The following AHR variants were observed in gnomAD, a reference collection of about 807,000 sequenced individuals.
AHR encodes aryl hydrocarbon receptor, also known as AH-receptor.
Under a neutral mutation model 86.8 loss-of-function variants are expected in AHR, and 40 were observed. That is an observed-to-expected ratio of 0.46 (90% confidence interval 0.36 to 0.60). AHR has a LOEUF of 0.60. AHR is among the 20% of genes least tolerant of loss of function. The pLI is 0.00. For synonymous variants in AHR, 398 were observed against 354.9 expected, an observed-to-expected ratio of 1.12 and a Z score of -1.37; for missense variants, 1,001 against 1,011.6, an observed-to-expected ratio of 0.99 and a Z score of 0.14.
chr7:17,333,759 G>A (rs1241738854), intron 6 of AHR, among the ~76,000 whole-genome samples, 153 bp from the exon 7 acceptor site: 2 of 151,920 alleles, frequency 1.3e-5, no homozygotes, highest in African/African-American at 4.8e-5. Flanking sequence ...GTCCCATGGA[G>A]AGAGGAGTGA....
chr7:17,334,932 A>G lies in AHR; in HGVS notation c.954A>G (p.Arg318=). ...LGYTEAELCT[R]GSGYQFIHAA... Reference sequence around the variant, plus strand: ...ATACTGAAGCAGAGCTGTGCACGAGAGGCTCAGGTTATCAGTTTATTCATG... The same window carrying G: ...ATACTGAAGCAGAGCTGTGCACGAGGGGCTCAGGTTATCAGTTTATTCATG... The change falls in exon 8 of 11, where the codon AGA becomes AGG. Residue 318 remains arginine (R), a synonymous_variant. Transcript: ENST00000242057. 6.2e-7 allele frequency: 1 copy of G among 1,613,366 alleles called. No individual in the cohort carries two copies. The highest frequency in any genetic ancestry group is 8.5e-7 in the Non-Finnish European group (1 of 1,179,472).
At chr7:17,334,183 G>T (rs1298602623) in intron 7 of AHR, 69 bp downstream of exon 7, 9 of 1,350,290 alleles carry the variant, frequency 6.7e-6, no homozygotes, top group Non-Finnish European at 9.4e-6. Flanking sequence ...CTCTTAGCAT[G>T]TAAAACATAC....
rs1229361892 is a variant in AHR, at chr7:17,346,071, T to C, written c.*3007T>C. 2 of 152,724 alleles carry C rather than the reference T, an allele frequency of 1.3e-5. No individual in the cohort carries two copies. The highest frequency in any genetic ancestry group is 2.9e-5 in the Non-Finnish European group (2 of 68,018). The allele number at this position is 152,724 out of a possible 1,614,324, so 9.5% of individuals were successfully genotyped here. A position where few individuals can be genotyped will look rare whatever the true frequency, so the allele number is the denominator to read the frequency against. ...GCTTACATATATCATGCATAGATTT[T>C]TGCTTAAAGTATGATTTATAATATC... On this transcript the variant is annotated 3_prime_UTR_variant, in exon 11 of 11. Transcript: ENST00000242057.
intron 4 of AHR, among the ~76,000 whole-genome samples, chr7:17,329,582 A>G (rs190349893): frequency 1.5e-4 from 23 of 152,092 alleles, no homozygotes; most frequent in Middle Eastern, 3.4e-3. Context: ...TAGAGAAGTC[A>G]AAGAGGCCTG....
chr7:17,342,634 C>G (rs918165570), intron 10 of AHR, among the ~76,000 whole-genome samples: 3 of 152,088 alleles, frequency 2.0e-5, no homozygotes, highest in African/African-American at 7.2e-5. Flanking sequence ...CAATTCCTAC[C>G]TGACCCAAAG....
intron 10 of AHR, among the ~76,000 whole-genome samples, chr7:17,341,196 T>A (rs1037359081): frequency 1.6e-4 from 25 of 152,306 alleles, no homozygotes; most frequent in African/African-American, 6.0e-4. Context: ...TGAAGCTTTA[T>A]CTTTAATTGT....
chr7:17,304,842 A>T (rs577568390), intron 1 of AHR, among the ~76,000 whole-genome samples: 2 of 151,988 alleles, frequency 1.3e-5, no homozygotes, highest in African/African-American at 2.4e-5. Flanking sequence ...ACCACTTAAA[A>T]TTTTTTTGGT....
chr7:17,306,042 A>G (rs1404319252), intron 1 of AHR, among the ~76,000 whole-genome samples: 2 of 152,164 alleles, frequency 1.3e-5, no homozygotes, highest in South Asian at 2.1e-4. Flanking sequence ...TCAAAAAATA[A>G]TAAGTTACTC....
Position 17,344,181 on chromosome 7 carries a change from TTG to T in AHR, c.*1121_*1122del, listed in dbSNP as rs2115372688. 6.5e-6 allele frequency: 1 copy of T among 152,862 alleles called. No individual in the cohort carries two copies. The highest frequency in any genetic ancestry group is 2.1e-4 in the South Asian group (1 of 4,830). The allele number at this position is 152,862 out of a possible 1,614,324, so 9.5% of individuals were successfully genotyped here. On this transcript the variant is annotated 3_prime_UTR_variant, in exon 11 of 11. Coordinates refer to ENST00000242057, the MANE Select transcript of AHR (RefSeq NM_001621.5). ...TAGACCTATAATCCTTGATAATATA[TTG>T]TGTTGACTTTATAAATTTCGCTTCT...
intron 9 of AHR, 160 bp downstream of exon 9, chr7:17,335,946 T>C (rs1483537521): frequency 7.4e-6 from 5 of 676,502 alleles, no homozygotes; most frequent in East Asian, 3.0e-5. Context: ...ATTGAGAAGA[T>C]AGAATTGACG....
chr7:17,322,670 A>C (rs1016612402), intron 3 of AHR, 63 bp downstream of exon 3: 2 of 1,120,348 alleles, frequency 1.8e-6, no homozygotes, highest in African/African-American at 3.2e-5. Flanking sequence ...ATGAATTAAT[A>C]AGTCTTTTAG....
Position 17,345,548 on chromosome 7 carries a change from A to G in AHR, c.*2484A>G, listed in dbSNP as rs1782474378. On this transcript the variant is annotated 3_prime_UTR_variant, in exon 11 of 11. Transcript: ENST00000242057. ...GTCTAGATTAATACTCTATTTTTACATTTAAACCTTTTATTATAAGTCTTA... is the reference window on the plus strand; with the variant it reads ...GTCTAGATTAATACTCTATTTTTACGTTTAAACCTTTTATTATAAGTCTTA... 6.6e-6 allele frequency: 1 copy of G among 152,646 alleles called. No individual in the cohort carries two copies. The highest frequency in any genetic ancestry group is 1.5e-5 in the Non-Finnish European group (1 of 68,018). 9.5% of individuals were successfully genotyped at this position (152,646 alleles called of 1,614,324 possible).
intron 9 of AHR, 108 bp downstream of exon 9, chr7:17,335,894 A>T: frequency 8.2e-7 from 1 of 1,213,264 alleles, no homozygotes; most frequent in African/African-American, 1.5e-5. Flanking sequence ...ATAAAAATTG[A>T]AAAGTTTAAT....
Position 17,344,511 on chromosome 7 carries a change from C to T in AHR, c.*1447C>T, listed in dbSNP as rs2115372872. ...GACAACCACATAGTTCGTTTACCTTCAAACTTTAGGTTTTTTTAATGATAT... is the reference window on the plus strand; with the variant it reads ...GACAACCACATAGTTCGTTTACCTTTAAACTTTAGGTTTTTTTAATGATAT... On this transcript the variant is annotated 3_prime_UTR_variant, in exon 11 of 11. Transcript: ENST00000242057. 1.3e-5 allele frequency: 2 copies of T among 152,066 alleles called. No homozygotes were observed. Among genetic ancestry groups the T allele is most frequent in the East Asian group, 1.9e-4 (1 of 5,250 alleles). 9.4% of individuals were successfully genotyped at this position (152,066 alleles called of 1,614,324 possible). A position where few individuals can be genotyped will look rare whatever the true frequency, so the allele number is the denominator to read the frequency against.
intron 10 of AHR, among the ~76,000 whole-genome samples, chr7:17,341,581 G>A (rs968769184): frequency 2.0e-5 from 3 of 152,112 alleles, no homozygotes; most frequent in African/African-American, 7.2e-5. Flanking sequence ...GAGCCACTGA[G>A]TAGCTGTTCA....
rs113274268 is a variant in AHR at position 17,334,233 on chromosome 7, C to G, written c.908+119C>G. On this transcript the variant is annotated intron_variant, in intron 7 of 10. Transcript: ENST00000242057. The stretch of plus-strand genomic sequence containing the variant: ...TGTTTATTATTAGATTGGCTATTAT[C>G]GTACATTCTTCCAGTGTAGCCTTTT... 4.6e-6 allele frequency: 4 copies of G among 862,690 alleles called. No homozygotes were observed. In the African/African-American group the frequency reaches 6.8e-5, roughly 15 times the overall value. The allele number at this position is 862,690 out of a possible 1,614,324, so 53.4% of individuals were successfully genotyped here.
intron 2 of AHR, among the ~76,000 whole-genome samples, chr7:17,315,778 T>A (rs1782109092): frequency 6.6e-6 from 1 of 151,816 alleles, no homozygotes; most frequent in Admixed American, 6.6e-5. Flanking sequence ...TATTAAAATC[T>A]GAAGAAATTT....
intron 6 of AHR, 145 bp downstream of exon 6, chr7:17,331,031 C>A: frequency 1.2e-6 from 1 of 815,496 alleles, no homozygotes. Flanking sequence ...AGAGAGCTCA[C>A]TTAAAAACAT....
intron 1 of AHR, 30 bp from the exon 2 acceptor site, chr7:17,309,906 A>AT (rs759569979): frequency 2.5e-5 from 38 of 1,494,102 alleles, no homozygotes; most frequent in Admixed American, 5.9e-5. Flanking sequence ...TTTTTAAAGG[A>AT]TTTTTTATGG....
Sources: allele counts gnomAD v4.1 joint callset (sites outside exome capture counted in the v4.1 genomes callset), GRCh38; gene constraint gnomAD v4.1.1; transcripts MANE v1.5; gene names NCBI Gene and HGNC (gene_info 2026-07-23, HGNC 2026-07-21).